The following JAKMIP2 variants were observed in gnomAD, a reference collection of about 807,000 sequenced individuals.
JAKMIP2 encodes janus kinase and microtubule interacting protein 2.
Under a neutral mutation model 115.0 loss-of-function variants are expected in JAKMIP2, and 25 were observed. That is an observed-to-expected ratio of 0.22 (90% confidence interval 0.16 to 0.30). The LOEUF is 0.30. JAKMIP2 is among the 10% of genes least tolerant of loss of function. JAKMIP2 has a pLI of 1.00. For missense variants in JAKMIP2, 642 were observed against 957.6 expected, an observed-to-expected ratio of 0.67 and a Z score of 4.35; for synonymous variants, 334 against 343.6, an observed-to-expected ratio of 0.97 and a Z score of 0.31.
At chr5:147,694,221 T>A (rs1030202284) in intron 1 of JAKMIP2, among the ~76,000 whole-genome samples, 3 of 77,730 alleles carry the variant, frequency 3.9e-5, no homozygotes, top group Non-Finnish European at 6.5e-5. Context: ...AGATTCCAAG[T>A]TTTTTTAGAA....
intron 1 of JAKMIP2, among the ~76,000 whole-genome samples, chr5:147,776,730 C>T (rs1341417157): frequency 5.3e-5 from 8 of 152,112 alleles, no homozygotes; most frequent in Non-Finnish European, 1.0e-4. Context: ...GAGTTTAAGA[C>T]CAGCCTTACC....
chr5:147,777,160 T>G (rs567606425), intron 1 of JAKMIP2, among the ~76,000 whole-genome samples: 1 of 152,292 alleles, frequency 6.6e-6, no homozygotes, highest in East Asian at 1.9e-4. Flanking sequence ...AAGGTTAATT[T>G]AATACCCATT....
chr5:147,741,202 A>C (rs1754130840), intron 1 of JAKMIP2, among the ~76,000 whole-genome samples: 1 of 152,178 alleles, frequency 6.6e-6, no homozygotes, highest in Non-Finnish European at 1.5e-5. Flanking sequence ...TAAATACTAA[A>C]ATAATTTCAG....
chr5:147,690,442 T>A (rs1751775573), intron 1 of JAKMIP2, among the ~76,000 whole-genome samples: 2 of 150,554 alleles, frequency 1.3e-5, no homozygotes, highest in Non-Finnish European at 3.0e-5. Flanking sequence ...AAGATCTACA[T>A]GAACCAATGA....
chr5:147,591,601 C>T lies in JAKMIP2; in HGVS notation c.*106G>A. On this transcript the variant is annotated 3_prime_UTR_variant, in exon 22 of 22. Coordinates refer to ENST00000616793, the MANE Select transcript of JAKMIP2 (RefSeq NM_001270941.2). ...AGGGTAGTTCTTAGCTTTTGATCTC[C>T]CTCTCACTGGTGTAAACAATTTTGC... 4 of 1,214,300 alleles carry T rather than the reference C, an allele frequency of 3.3e-6. No homozygotes were observed. Among genetic ancestry groups the T allele is most frequent in the Non-Finnish European group, 4.9e-6 (4 of 823,062 alleles). The allele number at this position is 1,214,300 out of a possible 1,614,324, so 75.2% of individuals were successfully genotyped here. A position where few individuals can be genotyped will look rare whatever the true frequency, so the allele number is the denominator to read the frequency against.
chr5:147,782,369 A>G, intron 1 of JAKMIP2, 87 bp downstream of exon 1: 1 of 1,322,790 alleles, frequency 7.6e-7, no homozygotes, highest in Non-Finnish European at 1.0e-6. Flanking sequence ...CACGGGAGTC[A>G]TTGTTCAAGT....
At chr5:147,607,794 C>T (rs890554915) in intron 20 of JAKMIP2, among the ~76,000 whole-genome samples, 11 of 152,082 alleles carry the variant, frequency 7.2e-5, no homozygotes, top group South Asian at 2.1e-4. Flanking sequence ...GCTGTGAATC[C>T]GCCTGGTCCT....
intron 17 of JAKMIP2, 130 bp downstream of exon 17, chr5:147,623,491 G>T: frequency 1.7e-6 from 1 of 575,484 alleles, no homozygotes; most frequent in Admixed American, 3.1e-5. Flanking sequence ...TCCATCTTCT[G>T]TACATAAAAT....
chr5:147,650,343 T>G lies in JAKMIP2; in HGVS notation c.832A>C (p.Ser278Arg), dbSNP rs556541244. 6.2e-7 allele frequency: 1 copy of G among 1,601,530 alleles called. No individual in the cohort carries two copies. The highest frequency in any genetic ancestry group is 1.1e-5 in the South Asian group (1 of 90,848). Residue 278 changes from serine to arginine, a missense_variant, in exon 4 of 22, where the codon AGT (serine) becomes CGT (arginine). Physicochemically the swap from Ser to Arg is moderately radical, Grantham distance 110. Transcript: ENST00000616793. ...RAGDGSEHCSSPDLRRNQKRI... is the reference protein window; with the variant it reads ...RAGDGSEHCSRPDLRRNQKRI... ...TTCAACTAGAATGGACTTACAGGACTGCTGCAGTGTTCGGAACCATCACCT... is the reference window on the plus strand; with the variant it reads ...TTCAACTAGAATGGACTTACAGGACGGCTGCAGTGTTCGGAACCATCACCT...
chr5:147,631,405 C>T lies in JAKMIP2; in HGVS notation c.1875+8G>A. 1 of 1,543,180 alleles carries T rather than the reference C, an allele frequency of 6.5e-7. No individual in the cohort carries two copies. Among genetic ancestry groups the T allele is most frequent in the South Asian group, 1.2e-5 (1 of 83,928 alleles). ...TCTACAAACATAAAAAATGAAATAT[C>T]TGCCTACCTTAACACCTTCTTTCAT... On this transcript the variant is annotated splice_region_variant and intron_variant, in intron 14 of 21. Coordinates refer to ENST00000616793, the MANE Select transcript of JAKMIP2 (RefSeq NM_001270941.2).
At chr5:147,678,371 A>G (rs1373392467) in intron 1 of JAKMIP2, among the ~76,000 whole-genome samples, 1 of 152,158 alleles carries the variant, frequency 6.6e-6, no homozygotes, top group Non-Finnish European at 1.5e-5. Context: ...CAGATTTTCC[A>G]TATAAATGAA....
At chr5:147,740,553 C>T (rs996955079) in intron 1 of JAKMIP2, among the ~76,000 whole-genome samples, 3 of 152,176 alleles carry the variant, frequency 2.0e-5, no homozygotes, top group African/African-American at 7.2e-5. Context: ...CAAGGGCCTT[C>T]CCCATTGCTA....
At chr5:147,596,352 T>C (rs1008362851) in intron 21 of JAKMIP2, among the ~76,000 whole-genome samples, 2 of 152,194 alleles carry the variant, frequency 1.3e-5, no homozygotes, top group East Asian at 3.9e-4. Context: ...AGAATGTCTA[T>C]AGTGGAAGCA....
chr5:147,613,627 G>C (rs1207568261), intron 19 of JAKMIP2, among the ~76,000 whole-genome samples: 1 of 152,098 alleles, frequency 6.6e-6, no homozygotes, highest in Non-Finnish European at 1.5e-5. Flanking sequence ...TGACATTTTT[G>C]TACTGTCACA....
At chr5:147,617,495 T>C (rs779840797) in intron 19 of JAKMIP2, among the ~76,000 whole-genome samples, 2 of 152,314 alleles carry the variant, frequency 1.3e-5, no homozygotes, top group Non-Finnish European at 2.9e-5. Flanking sequence ...ATGTTTGTAA[T>C]GTGAACGGTC....
At chr5:147,763,024 C>G (rs191572409) in intron 1 of JAKMIP2, among the ~76,000 whole-genome samples, 38 of 152,142 alleles carry the variant, frequency 2.5e-4, no homozygotes, top group African/African-American at 8.2e-4. Context: ...GTGTAGAATT[C>G]TCTAACCCGG....
At position 147,700,297 on chromosome 5, in the gene JAKMIP2, T is replaced by C. The variant is rs187172628; in HGVS notation, c.-148-28343A>G. ...AGTGGCTATAAAAATAAATCAAACC[T>C]TTAGGATGGAGAAAAATAATTATAA... is the stretch of plus-strand genomic sequence containing the variant. On this transcript the variant is annotated intron_variant, in intron 1 of 21. Transcript: ENST00000616793. Among the ~76,000 whole-genome samples, 683 of 152,042 alleles carry C rather than the reference T, an allele frequency of 4.5e-3. 12 individuals carry two copies. Among genetic ancestry groups the C allele is most frequent in the African/African-American group, 0.016 (648 of 41,480 alleles).
chr5:147,628,420 A>T (rs1296239499), intron 16 of JAKMIP2, among the ~76,000 whole-genome samples: 1 of 152,154 alleles, frequency 6.6e-6, no homozygotes, highest in African/African-American at 2.4e-5. Context: ...GCTCCAGTTT[A>T]TCATCGCCCC....
At chr5:147,701,240 T>G (rs1285544152) in intron 1 of JAKMIP2, among the ~76,000 whole-genome samples, 1 of 152,182 alleles carries the variant, frequency 6.6e-6, no homozygotes, top group South Asian at 2.1e-4. Context: ...GTTAAATTAC[T>G]TTGTGATCAG....
Sources: allele counts gnomAD v4.1 joint callset (sites outside exome capture counted in the v4.1 genomes callset), GRCh38; gene constraint gnomAD v4.1.1; transcripts MANE v1.5; gene names NCBI Gene and HGNC (gene_info 2026-07-23, HGNC 2026-07-21).